The following GTF2F2 variants were observed in gnomAD, a reference collection of about 807,000 sequenced individuals.
GTF2F2 encodes ATP-dependent helicase GTF2F2.
In GTF2F2, 23 loss-of-function variants were observed where a neutral mutation model predicts 42.2. The ratio of observed to expected loss-of-function variants is 0.55; its 90% CI spans 0.39 to 0.77. GTF2F2 has a LOEUF of 0.77. Ranked by LOEUF, GTF2F2 falls within the 30% of genes least tolerant of loss-of-function variation. GTF2F2 has a pLI of 0.00. For missense variants in GTF2F2, 261 were observed against 287.2 expected, an observed-to-expected ratio of 0.91 and a Z score of 0.66; for synonymous variants, 105 against 100.8, an observed-to-expected ratio of 1.04 and a Z score of -0.25.
At chr13:45,274,310 A>G (rs1409392823) in intron 7 of GTF2F2, among the ~76,000 whole-genome samples, 1 of 148,900 alleles carries the variant, frequency 6.7e-6, no homozygotes, top group Non-Finnish European at 1.5e-5. Flanking sequence ...TTTTATTTTT[A>G]GTACAAATTA....
intron 6 of GTF2F2, among the ~76,000 whole-genome samples, chr13:45,258,566 T>C (rs1399062048): frequency 2.0e-5 from 3 of 152,238 alleles, no homozygotes; most frequent in African/African-American, 7.2e-5. Context: ...GTGAGTGTTG[T>C]ACCTTGTTAT....
Position 45,212,493 on chromosome 13 carries a change from T to TTCTTTC in GTF2F2, c.386+4990_386+4995dup, listed in dbSNP as rs1873715044. Among the ~76,000 whole-genome samples, 5 of 117,502 alleles carry TTCTTTC rather than the reference T, an allele frequency of 4.3e-5. 1 individual carries two copies. The highest frequency in any genetic ancestry group is 1.5e-4 in the African/African-American group (5 of 32,890). The allele number at this position is 117,502 out of a possible 152,430, so 77.1% of individuals were successfully genotyped here. ...TTTCTTTCTTTCTTTCTTTCTTTCT[T>TTCTTTC]TCTTTCTTTCTTTCTTTTCTTTCTT... On this transcript the variant is annotated intron_variant, in intron 5 of 7. Transcript: ENST00000340473.
At chr13:45,229,319 C>T (rs572114875) in intron 5 of GTF2F2, among the ~76,000 whole-genome samples, 7 of 152,152 alleles carry the variant, frequency 4.6e-5, no homozygotes, top group East Asian at 1.9e-4. Context: ...CTCCCACCAC[C>T]GCCTTCTTTG....
intron 5 of GTF2F2, among the ~76,000 whole-genome samples, chr13:45,241,683 CTATT>C (rs1211428533): frequency 6.6e-6 from 1 of 152,144 alleles, no homozygotes; most frequent in African/African-American, 2.4e-5. Flanking sequence ...CATTTTATAT[CTATT>C]CTCTTAAATG....
intron 2 of GTF2F2, among the ~76,000 whole-genome samples, chr13:45,137,007 TC>T: frequency 6.6e-6 from 1 of 152,260 alleles, no homozygotes; most frequent in South Asian, 2.1e-4. Flanking sequence ...ACACCCACAC[TC>T]CTAGTGACTG....
At chr13:45,234,230 C>G (rs929904223) in intron 5 of GTF2F2, among the ~76,000 whole-genome samples, 3 of 152,186 alleles carry the variant, frequency 2.0e-5, no homozygotes, top group African/African-American at 7.2e-5. Flanking sequence ...AATAGTCATT[C>G]TGTGACTAAC....
At chr13:45,196,339 C>T (rs928519682) in intron 4 of GTF2F2, among the ~76,000 whole-genome samples, 3 of 152,170 alleles carry the variant, frequency 2.0e-5, no homozygotes, top group Admixed American at 1.3e-4. Context: ...TTGACTAAAA[C>T]GTCCTTTACT....
chr13:45,283,207 G>A (rs1214690629), intron 7 of GTF2F2, among the ~76,000 whole-genome samples: 1 of 151,954 alleles, frequency 6.6e-6, no homozygotes. Context: ...TAAGTTGTTG[G>A]CATTCAGGAC....
chr13:45,139,176 G>A (rs1484897391), intron 2 of GTF2F2, among the ~76,000 whole-genome samples: 2 of 152,302 alleles, frequency 1.3e-5, no homozygotes, highest in East Asian at 3.9e-4. Flanking sequence ...GAAAACTAGT[G>A]AAATGTAGGA....
At chr13:45,157,697 C>G (rs115307200) in intron 4 of GTF2F2, among the ~76,000 whole-genome samples, 1,912 of 152,058 alleles carry the variant, frequency 0.013, 42 homozygotes, top group African/African-American at 0.04. Flanking sequence ...CTCAGCCTCT[C>G]GAGTAGCTGG....
intron 7 of GTF2F2, among the ~76,000 whole-genome samples, chr13:45,272,310 A>G (rs1876825801): frequency 6.6e-6 from 1 of 151,080 alleles, no homozygotes; most frequent in African/African-American, 2.4e-5. Flanking sequence ...AAATTTTAAT[A>G]CTTTCTTTTT....
chr13:45,258,702 G>A (rs770833836), intron 6 of GTF2F2, among the ~76,000 whole-genome samples: 2 of 152,158 alleles, frequency 1.3e-5, no homozygotes, highest in Non-Finnish European at 2.9e-5. Flanking sequence ...TTGTAGTTTT[G>A]ACAAAACTTA....
intron 7 of GTF2F2, among the ~76,000 whole-genome samples, chr13:45,283,174 T>G (rs902365484): frequency 3.9e-5 from 6 of 152,142 alleles, no homozygotes; most frequent in East Asian, 1.9e-4. Context: ...TTTGTGTTTT[T>G]TTTGTTTGTT....
At chr13:45,153,226 G>T (rs1283383067) in intron 4 of GTF2F2, among the ~76,000 whole-genome samples, 2 of 151,110 alleles carry the variant, frequency 1.3e-5, no homozygotes, top group African/African-American at 4.9e-5. Flanking sequence ...CACCGTGTTA[G>T]CCAGGATGGT....
At chr13:45,199,681 C>G (rs1273085880) in intron 4 of GTF2F2, among the ~76,000 whole-genome samples, 5 of 152,188 alleles carry the variant, frequency 3.3e-5, no homozygotes, top group African/African-American at 9.7e-5. Context: ...ATTTTACTTT[C>G]TCTTTGGGAA....
In GTF2F2 at chr13:45,175,260, G is replaced by A. The variant is rs189432491; in HGVS notation, c.304+23429G>A. 9.9e-4 allele frequency among the ~76,000 whole-genome samples: 151 copies of A among 152,268 alleles called. 2 individuals carry two copies. Among genetic ancestry groups the A allele is most frequent in the Non-Finnish European group, 1.5e-4 (10 of 68,014 alleles). On this transcript the variant is annotated intron_variant, in intron 4 of 7. Coordinates refer to ENST00000340473, the MANE Select transcript of GTF2F2 (RefSeq NM_004128.3). ...CCTCTAGGCTCATACATGTTGCCTT[G>A]TTTGACAGGATTTCATTGGTTTTTG...
At chr13:45,175,868 C>A (rs1255658388) in intron 4 of GTF2F2, among the ~76,000 whole-genome samples, 1 of 152,200 alleles carries the variant, frequency 6.6e-6, no homozygotes, top group Admixed American at 6.5e-5. Context: ...AGGTAATCCG[C>A]CCGCCTCGGC....
chr13:45,265,835 C>G (rs929173333), intron 6 of GTF2F2, among the ~76,000 whole-genome samples: 4 of 152,254 alleles, frequency 2.6e-5, no homozygotes, highest in African/African-American at 7.2e-5. Flanking sequence ...GTTTTCGAAG[C>G]TAGTCCCCAG....
intron 5 of GTF2F2, among the ~76,000 whole-genome samples, chr13:45,217,689 A>T (rs934232802): frequency 6.6e-6 from 1 of 152,184 alleles, no homozygotes; most frequent in African/African-American, 2.4e-5. Flanking sequence ...TTGGCATGTG[A>T]TGGTGTTTCT....
Sources: gnomAD v4.1 joint callset for allele counts (sites outside exome capture counted in the v4.1 genomes callset) on GRCh38, gnomAD v4.1.1 for gene constraint, MANE v1.5 for transcripts, NCBI Gene and HGNC (gene_info 2026-07-23, HGNC 2026-07-21) for gene names.